The following CRTC3 variants were observed in gnomAD, a reference collection of about 807,000 sequenced individuals.
CRTC3 encodes CREB regulated transcription coactivator 3.
CRTC3 carries 26 observed loss-of-function variants against 74.5 expected under a neutral mutation model. That is an observed-to-expected ratio of 0.35 (90% CI 0.26 to 0.48). The LOEUF (loss-of-function observed/expected upper bound fraction) is 0.48. Among genes scored for constraint, CRTC3 ranks in the 20% least tolerant of loss-of-function variants. CRTC3 has a pLI of 0.99. For missense variants in CRTC3, 760 were observed against 787.3 expected, an observed-to-expected ratio of 0.97 and a Z score of 0.41; for synonymous variants, 377 against 325.8, an observed-to-expected ratio of 1.16 and a Z score of -1.69.
chr15:90,571,949 G>A (rs1004707119), intron 2 of CRTC3, among the ~76,000 whole-genome samples: 4 of 152,030 alleles, frequency 2.6e-5, no homozygotes, highest in African/African-American at 9.7e-5. Flanking sequence ...ATTACCTGAG[G>A]TCAGGAGTTC....
Position 90,603,358 on chromosome 15 carries a change from G to A in CRTC3, c.413+973G>A, listed in dbSNP as rs951082963. 7.9e-5 allele frequency among the ~76,000 whole-genome samples: 12 copies of A among 151,580 alleles called. No homozygotes were observed. The South Asian group carries it at 2.5e-3, about 32-fold the overall frequency. On this transcript the variant is annotated intron_variant, in intron 4 of 14. Coordinates refer to ENST00000268184, the MANE Select transcript of CRTC3 (RefSeq NM_022769.5). ...CTCGGGAGGCTGAGGCAGGAGAATGGCGTGAACCCAGGAGGCGGAGCTTGC... is the reference window on the plus strand; with the variant it reads ...CTCGGGAGGCTGAGGCAGGAGAATGACGTGAACCCAGGAGGCGGAGCTTGC...
At chr15:90,634,550 C>G (rs35977271) in intron 11 of CRTC3, among the ~76,000 whole-genome samples, 27,056 of 152,166 alleles carry the variant, frequency 0.18, 2,454 homozygotes, top group Middle Eastern at 0.19. Context: ...TCTTCCTGCA[C>G]ACATCTTTCC....
intron 11 of CRTC3, among the ~76,000 whole-genome samples, chr15:90,630,628 C>T (rs1969002295): frequency 6.6e-6 from 1 of 152,044 alleles, no homozygotes; most frequent in Non-Finnish European, 1.5e-5. Context: ...AAAAGAAAAG[C>T]CCATTATAGA....
intron 2 of CRTC3, among the ~76,000 whole-genome samples, chr15:90,582,604 T>C (rs1967568838): frequency 6.6e-6 from 1 of 152,196 alleles, no homozygotes; most frequent in Non-Finnish European, 1.5e-5. Flanking sequence ...GTTTTTTAAA[T>C]TATGTACATA....
chr15:90,583,068 G>C (rs1967580477), intron 2 of CRTC3, among the ~76,000 whole-genome samples: 1 of 151,806 alleles, frequency 6.6e-6, no homozygotes, highest in African/African-American at 2.4e-5. Context: ...CTATTCTTGA[G>C]CTCAAGCGAT....
In CRTC3 at chr15:90,549,830, G is replaced by C. The variant is rs138903403; in HGVS notation, c.231+9693G>C. ...CGATTCTGCTGCCTCAGCCTCCTGA[G>C]TAGCTGAGACTACAGGCGCCTGCCA... On this transcript the variant is annotated intron_variant, in intron 2 of 14. Coordinates refer to ENST00000268184, the MANE Select transcript of CRTC3 (RefSeq NM_022769.5). 4.7e-3 allele frequency among the ~76,000 whole-genome samples: 713 copies of C among 150,928 alleles called. 6 individuals are homozygous for C. Among genetic ancestry groups the C allele is most frequent in the African/African-American group, 0.017 (687 of 41,154 alleles).
chr15:90,593,843 G>A (rs1967856537), intron 3 of CRTC3, 88 bp downstream of exon 3: 1 of 1,389,768 alleles, frequency 7.2e-7, no homozygotes, highest in Non-Finnish European at 9.8e-7. Flanking sequence ...TTCTCCTTTG[G>A]CCTCAGAATC....
intron 9 of CRTC3, among the ~76,000 whole-genome samples, chr15:90,625,490 G>A (rs570023010): frequency 5.9e-5 from 9 of 152,252 alleles, no homozygotes; most frequent in African/African-American, 2.2e-4. Flanking sequence ...TTATAGAGTG[G>A]TTTATAATTT....
chr15:90,602,923 G>A (rs980254337), intron 4 of CRTC3, among the ~76,000 whole-genome samples: 4 of 151,736 alleles, frequency 2.6e-5, no homozygotes, highest in East Asian at 1.9e-4. Flanking sequence ...GCAGTGAGCT[G>A]AGATCACGCC....
intron 1 of CRTC3, among the ~76,000 whole-genome samples, chr15:90,531,040 C>T (rs1966618994): frequency 6.8e-6 from 1 of 147,412 alleles, no homozygotes; most frequent in Admixed American, 6.8e-5. Flanking sequence ...GGAGGACCAT[C>T]GGGAGGATGG....
In CRTC3 at chr15:90,634,876, C is replaced by T. The variant is rs145215360; in HGVS notation, c.1267-3570C>T. On this transcript the variant is annotated intron_variant, in intron 11 of 14. Coordinates refer to ENST00000268184, the MANE Select transcript of CRTC3 (RefSeq NM_022769.5). ...CAAGCAACAGTAGTCACTGTTGGATCGGGTTCTAAAGGTAAGGCTGGAGAG... is the reference window on the plus strand; with the variant it reads ...CAAGCAACAGTAGTCACTGTTGGATTGGGTTCTAAAGGTAAGGCTGGAGAG... 23 of 1,556,448 alleles carry T rather than the reference C, an allele frequency of 1.5e-5. 1 individual carries two copies. The East Asian group carries it at 2.5e-4, about 17-fold the overall frequency.
At chr15:90,594,169 G>A (rs556225861) in intron 3 of CRTC3, 4 of 153,918 alleles carry the variant, frequency 2.6e-5, no homozygotes, top group African/African-American at 9.6e-5. Flanking sequence ...ACCTGCTTTT[G>A]GAACTTACAG....
At chr15:90,629,020 G>A (rs1179316931) in intron 10 of CRTC3, among the ~76,000 whole-genome samples, 4 of 152,216 alleles carry the variant, frequency 2.6e-5, no homozygotes, top group African/African-American at 2.4e-5. Context: ...GGAAAACATC[G>A]TTGTCATCTT....
chr15:90,586,369 T>G (rs1967662602), intron 2 of CRTC3, among the ~76,000 whole-genome samples: 1 of 143,746 alleles, frequency 7.0e-6, no homozygotes, highest in Admixed American at 6.9e-5. Context: ...CTTCTTTTTT[T>G]TTTTTTTTTT....
At chr15:90,548,886 TAAAG>T (rs946527908) in intron 2 of CRTC3, among the ~76,000 whole-genome samples, 25 of 152,300 alleles carry the variant, frequency 1.6e-4, no homozygotes, top group Non-Finnish European at 2.8e-4. Context: ...ATAAAGATAA[TAAAG>T]AGTTACACCA....
chr15:90,585,304 C>G (rs1967633888), intron 2 of CRTC3, among the ~76,000 whole-genome samples: 1 of 152,082 alleles, frequency 6.6e-6, no homozygotes, highest in East Asian at 1.9e-4. Context: ...GCCACTGTGG[C>G]TAGCTAGTTT....
intron 1 of CRTC3, among the ~76,000 whole-genome samples, chr15:90,536,353 T>C (rs561652305): frequency 1.3e-5 from 2 of 151,244 alleles, no homozygotes; most frequent in South Asian, 2.1e-4. Context: ...CTAGGTAACA[T>C]GGTGAAATCC....
intron 6 of CRTC3, among the ~76,000 whole-genome samples, chr15:90,610,031 G>A (rs986056001): frequency 1.3e-5 from 2 of 152,202 alleles, no homozygotes; most frequent in Admixed American, 1.3e-4. Flanking sequence ...TAATATGGAT[G>A]TGTTTACATG....
At chr15:90,640,346 T>C (rs1156906284) in intron 13 of CRTC3, among the ~76,000 whole-genome samples, 2 of 152,040 alleles carry the variant, frequency 1.3e-5, no homozygotes, top group South Asian at 2.1e-4. Flanking sequence ...AGTTTCCTCC[T>C]TCTGAGTGTG....
Sources: gnomAD v4.1 joint callset for allele counts (sites outside exome capture counted in the v4.1 genomes callset) on GRCh38, gnomAD v4.1.1 for gene constraint, MANE v1.5 for transcripts, NCBI Gene and HGNC (gene_info 2026-07-23, HGNC 2026-07-21) for gene names.